FNBP1: variants seen among roughly 807,000 people sequenced by gnomAD.
FNBP1 encodes the protein formin binding protein 1.
FNBP1 carries 26 observed loss-of-function variants against 90.6 expected under a neutral mutation model. The observed-to-expected ratio is 0.29, with a 90% CI of 0.21 to 0.40. FNBP1 has a LOEUF of 0.40. FNBP1 is among the 10% of genes least tolerant of loss of function. The probability of loss-of-function intolerance (pLI) is 1.00; values close to 1 mark genes in which losing one functional copy is unlikely to be tolerated. For missense variants in FNBP1, 635 were observed against 768.0 expected, an observed-to-expected ratio of 0.83 and a Z score of 2.05; for synonymous variants, 260 against 265.2, an observed-to-expected ratio of 0.98 and a Z score of 0.19.
chr9:130,014,867 T>C (rs1223296349), intron 1 of FNBP1, among the ~76,000 whole-genome samples: 1 of 151,470 alleles, frequency 6.6e-6, no homozygotes, highest in Non-Finnish European at 1.5e-5. Context: ...TCTGTTTTCT[T>C]CCCTTAAAAA....
intron 12 of FNBP1, among the ~76,000 whole-genome samples, chr9:129,907,580 G>GGTGTGT (rs55973122): frequency 5.6e-4 from 82 of 147,192 alleles, no homozygotes; most frequent in South Asian, 1.7e-3. Flanking sequence ...TAGGAGTGAG[G>GGTGTGT]GTGTGTGTGT....
intron 1 of FNBP1, among the ~76,000 whole-genome samples, chr9:130,016,100 C>CT (rs1331983598): frequency 6.6e-6 from 1 of 152,026 alleles, no homozygotes; most frequent in African/African-American, 2.4e-5. Context: ...AGGTAACTGT[C>CT]TTATTTTGAA....
At chr9:129,929,796 G>GCCAGATTTACCTCAAATGTATTCCGCAA in intron 6 of FNBP1, 101 bp from the exon 7 acceptor site, 1 of 1,105,900 alleles carries the variant, frequency 9.0e-7, no homozygotes, top group East Asian at 2.5e-5. Context: ...ATGCCTAGGG[G>GCCAGATTTACCTCAAATGTATTCCGCAA]CCAGATTTAC....
intron 2 of FNBP1, among the ~76,000 whole-genome samples, chr9:129,991,654 A>G (rs1353347730): frequency 7.1e-6 from 1 of 141,444 alleles, no homozygotes; most frequent in African/African-American, 2.6e-5. Flanking sequence ...GTTTTTAGAC[A>G]TTTCCTTTTT....
At chr9:129,965,725 T>G (rs547624134) in intron 4 of FNBP1, among the ~76,000 whole-genome samples, 36 of 74,524 alleles carry the variant, frequency 4.8e-4, no homozygotes, top group African/African-American at 1.0e-3. Flanking sequence ...CACACACACA[T>G]AGAAAGAAAA....
At position 129,902,731 on chromosome 9, in the gene FNBP1, A is replaced by G. The variant is rs1668494268; in HGVS notation, c.1428+138T>C. The stretch of plus-strand genomic sequence containing the variant: ...CGGCGAAGAGTGTATTTTTCCTTTG[A>G]CCATAACTCCTGAAACAGCCTGCCA... On this transcript the variant is annotated intron_variant, in intron 13 of 16. Coordinates refer to ENST00000446176, the MANE Select transcript of FNBP1 (RefSeq NM_015033.3). 3 of 774,006 alleles carry G rather than the reference A, an allele frequency of 3.9e-6. No homozygotes were observed. The South Asian group carries it at 5.5e-5, about 14-fold the overall frequency. The allele number at this position is 774,006 out of a possible 1,614,324, so 47.9% of individuals were successfully genotyped here. A position where few individuals can be genotyped will look rare whatever the true frequency, so the allele number is the denominator to read the frequency against.
chr9:130,033,126 T>C (rs996169908), intron 1 of FNBP1, among the ~76,000 whole-genome samples: 8 of 152,178 alleles, frequency 5.3e-5, no homozygotes, highest in Non-Finnish European at 8.8e-5. Context: ...ATGATTATAA[T>C]AATTTGTGTT....
intron 1 of FNBP1, among the ~76,000 whole-genome samples, chr9:130,009,751 G>A (rs554795168): frequency 1.8e-4 from 28 of 152,216 alleles, no homozygotes; most frequent in Admixed American, 1.0e-3. Context: ...GCAGTCAGCC[G>A]AGATCGTGCC....
Position 129,890,398 on chromosome 9 carries a change from G to GCA in FNBP1, c.*140_*141insTG. ...AGGGCAGGGCCGCAGGGAGCATGCT[G>GCA]GAGAGAGAGAGAGACCGCCCCGCAG... On this transcript the variant is annotated 3_prime_UTR_variant, in exon 17 of 17. Coordinates refer to ENST00000446176, the MANE Select transcript of FNBP1 (RefSeq NM_015033.3). This position sits in a 1 kb window ranked among gnomAD's most constrained non-coding sequence, Gnocchi z 5.8. 1 of 558,200 alleles carries GCA rather than the reference G, an allele frequency of 1.8e-6. No homozygotes were observed. The highest frequency in any genetic ancestry group is 3.3e-6 in the Non-Finnish European group (1 of 307,360). 34.6% of individuals were successfully genotyped at this position (558,200 alleles called of 1,614,324 possible).
At chr9:129,961,936 T>G (rs1251396700) in intron 4 of FNBP1, among the ~76,000 whole-genome samples, 1 of 152,172 alleles carries the variant, frequency 6.6e-6, no homozygotes, top group Non-Finnish European at 1.5e-5. Flanking sequence ...ACTTGGTCAA[T>G]GTCCTGCAAA....
intron 1 of FNBP1, among the ~76,000 whole-genome samples, chr9:130,008,222 G>A (rs778333532): frequency 3.8e-4 from 57 of 151,832 alleles, no homozygotes; most frequent in Non-Finnish European, 6.6e-4. Flanking sequence ...GGTGTCATGC[G>A]CCTGTGGGTC....
intron 11 of FNBP1, among the ~76,000 whole-genome samples, chr9:129,913,294 T>G (rs1366410457): frequency 6.6e-6 from 1 of 152,072 alleles, no homozygotes; most frequent in Non-Finnish European, 1.5e-5. Flanking sequence ...TGTGCAGGTG[T>G]ATAAACAGGT....
the FNBP1 span, among the ~76,000 whole-genome samples, chr9:130,051,339 C>A: frequency 6.6e-6 from 1 of 152,192 alleles, no homozygotes; most frequent in East Asian, 1.9e-4. Context: ...CCAGGCCTAT[C>A]AAGTCTTTTG....
intron 6 of FNBP1, 100 bp from the exon 7 acceptor site, chr9:129,929,795 G>A: frequency 9.0e-7 from 1 of 1,115,836 alleles, no homozygotes; most frequent in South Asian, 1.5e-5. Context: ...GATGCCTAGG[G>A]GCCAGATTTA....
chr9:130,001,954 G>A (rs2054914811), intron 1 of FNBP1, among the ~76,000 whole-genome samples: 1 of 149,922 alleles, frequency 6.7e-6, no homozygotes, highest in African/African-American at 2.5e-5. Context: ...TCTGAACCTT[G>A]GAGGCAGAGG....
upstream of FNBP1, among the ~76,000 whole-genome samples, chr9:130,046,055 A>G (rs902829729): frequency 3.3e-5 from 5 of 152,170 alleles, no homozygotes; most frequent in Non-Finnish European, 7.3e-5. Context: ...GATTTACAAA[A>G]TTATGATCTT....
At chr9:130,004,114 C>T (rs1178304428) in intron 1 of FNBP1, among the ~76,000 whole-genome samples, 2 of 150,910 alleles carry the variant, frequency 1.3e-5, no homozygotes, top group Non-Finnish European at 3.0e-5. Context: ...GTGTACTAAA[C>T]CGGCTGGGCG....
intron 12 of FNBP1, 122 bp from the exon 13 acceptor site, chr9:129,903,123 C>T: frequency 1.1e-6 from 1 of 903,692 alleles, no homozygotes; most frequent in Non-Finnish European, 1.7e-6. Context: ...ACGATCTTGG[C>T]TCACTGCAAC....
rs1284696579 is a variant in FNBP1 at position 130,031,909 on chromosome 9, G to A, written c.24+11043C>T. Among the ~76,000 whole-genome samples, 3 of 152,034 alleles carry A rather than the reference G, an allele frequency of 2.0e-5. No individual in the cohort carries two copies. Among genetic ancestry groups the A allele is most frequent in the South Asian group, 2.1e-4 (1 of 4,834 alleles). On this transcript the variant is annotated intron_variant, in intron 1 of 16. Coordinates refer to ENST00000446176, the MANE Select transcript of FNBP1 (RefSeq NM_015033.3). This position sits in a 1 kb window ranked among gnomAD's most constrained non-coding sequence, Gnocchi z 4.2. Reference sequence around the variant, plus strand: ...AAACTCCTGACCTCATGATCTGCCCGACTCGGCCTTCCAAAGTGCTGGTAT... The same window carrying A: ...AAACTCCTGACCTCATGATCTGCCCAACTCGGCCTTCCAAAGTGCTGGTAT...
Sources: allele counts gnomAD v4.1 joint callset (sites outside exome capture counted in the v4.1 genomes callset), GRCh38; gene constraint gnomAD v4.1.1; non-coding constraint Gnocchi (gnomAD v3.1); transcripts MANE v1.5; gene names NCBI Gene and HGNC (gene_info 2026-07-23, HGNC 2026-07-21).